Variants in LIN28B observed in about 807,000 individuals in gnomAD.
LIN28B encodes lin-28 RNA binding posttranscriptional regulator B.
Under a neutral mutation model 21.9 loss-of-function variants are expected in LIN28B, and 5 were observed. The ratio of observed to expected loss-of-function variants is 0.23; its 90% CI spans 0.12 to 0.48. The LOEUF (loss-of-function observed/expected upper bound fraction) is 0.48. Among genes scored for constraint, LIN28B ranks in the 20% least tolerant of loss-of-function variants. The pLI is 0.98. For missense variants in LIN28B, 245 were observed against 310.5 expected (o/e 0.79, Z 1.58); for synonymous variants, 109 against 111.3 (o/e 0.98, Z 0.13).
intron 2 of LIN28B, among the ~76,000 whole-genome samples, chr6:105,023,561 A>ATTT (rs375122731): frequency 2.1e-3 from 2 of 962 alleles, no homozygotes; most frequent in African/African-American, 7.9e-3. Context: ...ACCTATATAT[A>ATTT]TATATAATAT....
intron 2 of LIN28B, among the ~76,000 whole-genome samples, chr6:105,011,315 A>G (rs1467890843): frequency 6.6e-6 from 1 of 152,128 alleles, no homozygotes; most frequent in Non-Finnish European, 1.5e-5. Flanking sequence ...TTCAGCCTCT[A>G]GAGTAGTTGG....
At chr6:104,999,564 T>A (rs142378050) in intron 2 of LIN28B, among the ~76,000 whole-genome samples, 29 of 152,314 alleles carry the variant, frequency 1.9e-4, no homozygotes, top group African/African-American at 6.0e-4. Context: ...AACAAAGAAT[T>A]AGAAACATGT....
intron 2 of LIN28B, among the ~76,000 whole-genome samples, chr6:104,938,210 C>T (rs1450391425): frequency 2.0e-5 from 3 of 151,920 alleles, no homozygotes; most frequent in South Asian, 2.1e-4. Flanking sequence ...TACTATTGTA[C>T]ACCAGCCTTG....
chr6:104,969,801 T>C (rs1372950435), intron 2 of LIN28B, among the ~76,000 whole-genome samples: 7 of 152,248 alleles, frequency 4.6e-5, no homozygotes, highest in Non-Finnish European at 4.4e-5. Flanking sequence ...ATGTGCTTAA[T>C]TTCTAGCATT....
chr6:104,947,770 CT>C (rs59977710), intron 2 of LIN28B, among the ~76,000 whole-genome samples: 21,059 of 135,088 alleles, frequency 0.16, 1,537 homozygotes, highest in African/African-American at 0.21. Context: ...ATTTTGCGTA[CT>C]TTTTTTTTTT....
intron 3 of LIN28B, among the ~76,000 whole-genome samples, chr6:105,053,972 GATC>G (rs1421485191): frequency 2.0e-5 from 3 of 152,154 alleles, no homozygotes; most frequent in Non-Finnish European, 2.9e-5. Context: ...TCAAACACCT[GATC>G]TCAGGTGATC....
intron 3 of LIN28B, among the ~76,000 whole-genome samples, chr6:105,076,627 G>A (rs547803696): frequency 6.6e-6 from 1 of 152,048 alleles, no homozygotes; most frequent in South Asian, 2.1e-4. Context: ...GTTGTTGTTG[G>A]AGATGGAGTC....
At chr6:105,051,412 C>T (rs2114385670) in intron 3 of LIN28B, among the ~76,000 whole-genome samples, 1 of 151,128 alleles carries the variant, frequency 6.6e-6, no homozygotes, top group South Asian at 2.1e-4. Context: ...GCACTCCAGC[C>T]TGGGCGACAG....
chr6:105,007,937 G>A (rs559718439), intron 2 of LIN28B, among the ~76,000 whole-genome samples: 3 of 152,210 alleles, frequency 2.0e-5, no homozygotes, highest in South Asian at 2.1e-4. Context: ...GAGCCACCAC[G>A]CCCAGCCCCC....
At chr6:105,049,558 G>T (rs1771847349) in intron 3 of LIN28B, among the ~76,000 whole-genome samples, 2 of 152,260 alleles carry the variant, frequency 1.3e-5, no homozygotes, top group East Asian at 3.9e-4. Context: ...GGATATCCTT[G>T]TTAACTTTCT....
At chr6:104,985,045 A>T (rs1156658130) in intron 2 of LIN28B, among the ~76,000 whole-genome samples, 4 of 152,164 alleles carry the variant, frequency 2.6e-5, no homozygotes, top group Non-Finnish European at 5.9e-5. Flanking sequence ...TACTTCCACC[A>T]TGGCCAATTT....
At chr6:104,943,127 T>C (rs1582854634) in intron 2 of LIN28B, among the ~76,000 whole-genome samples, 1 of 152,300 alleles carries the variant, frequency 6.6e-6, no homozygotes, top group African/African-American at 2.4e-5. Context: ...AAAATAGTAG[T>C]GCTCAAAGTT....
At chr6:105,002,773 T>C (rs1298760713) in intron 2 of LIN28B, among the ~76,000 whole-genome samples, 1 of 152,234 alleles carries the variant, frequency 6.6e-6, no homozygotes, top group Non-Finnish European at 1.5e-5. Flanking sequence ...ACAGATGTTC[T>C]TGTAACTTTG....
At chr6:104,968,649 T>G (rs1370920732) in intron 2 of LIN28B, among the ~76,000 whole-genome samples, 1 of 152,216 alleles carries the variant, frequency 6.6e-6, no homozygotes, top group Non-Finnish European at 1.5e-5. Flanking sequence ...CCATATAAAT[T>G]TCAAATTACT....
chr6:105,064,438 A>C (rs1431114863), intron 3 of LIN28B, among the ~76,000 whole-genome samples: 1 of 152,206 alleles, frequency 6.6e-6, no homozygotes. Context: ...TATTTCTATC[A>C]GTTATCAGTC....
rs761848852 is a variant in LIN28B at position 105,078,833 on chromosome 6, C to T, written c.*50C>T. ...CTTTACCCGGTTGCAAAGTCTACCT[C>T]ATGCAAGTATAGGGGAACAGTATTT... On this transcript the variant is annotated 3_prime_UTR_variant, in exon 4 of 4. Transcript: ENST00000345080. The T allele has an allele frequency of 6.4e-7, 1 of 1,566,452 alleles. No individual in the cohort carries two copies. The highest frequency in any genetic ancestry group is 1.4e-5 in the African/African-American group (1 of 73,650).
intron 3 of LIN28B, among the ~76,000 whole-genome samples, chr6:105,040,017 T>A (rs1160894645): frequency 6.6e-6 from 1 of 152,190 alleles, no homozygotes; most frequent in Non-Finnish European, 1.5e-5. Context: ...TGCTATTGTT[T>A]TTCAGTAAAT....
chr6:105,004,300 A>G (rs1205502187), intron 2 of LIN28B, among the ~76,000 whole-genome samples: 1 of 152,194 alleles, frequency 6.6e-6, no homozygotes, highest in Non-Finnish European at 1.5e-5. Flanking sequence ...GCATCCTTGA[A>G]TCCAATCAAG....
At chr6:105,037,713 G>A (rs985418805) in intron 3 of LIN28B, among the ~76,000 whole-genome samples, 2 of 151,514 alleles carry the variant, frequency 1.3e-5, no homozygotes, top group Non-Finnish European at 2.9e-5. Flanking sequence ...GTTTTGCCAC[G>A]TTGCCCAGGC....
Sources: gnomAD v4.1 joint callset for allele counts (sites outside exome capture counted in the v4.1 genomes callset) on GRCh38, gnomAD v4.1.1 for gene constraint, MANE v1.5 for transcripts, NCBI Gene and HGNC (gene_info 2026-07-23, HGNC 2026-07-21) for gene names.